TRPM2: variants seen among roughly 807,000 people sequenced by gnomAD.
TRPM2 encodes estrogen-responsive element-associated gene 1 protein.
A neutral mutation model predicts 174.0 loss-of-function variants in TRPM2; 161 were observed. The observed-to-expected ratio is 0.93, with a 90% confidence interval of 0.81 to 1.05. The LOEUF (loss-of-function observed/expected upper bound fraction) is 1.05, where lower values mean the gene tolerates loss of function less well. TRPM2 is among the 50% of genes least tolerant of loss of function. TRPM2 has a pLI of 0.00. For missense variants in TRPM2, 2,057 were observed against 2,038.0 expected (o/e 1.01, Z -0.18); for synonymous variants, 954 against 861.3 (o/e 1.11, Z -1.88).
rs974200315 is a variant in TRPM2 at position 44,439,814 on chromosome 21, C to T, written c.4269+646C>T. Among the ~76,000 whole-genome samples the T allele has an allele frequency of 6.6e-6, 1 of 152,106 alleles. No homozygotes were observed. The highest frequency in any genetic ancestry group is 2.4e-5 in the African/African-American group (1 of 41,428). On this transcript the variant is annotated intron_variant, in intron 30 of 31. Transcript: ENST00000397928. The surrounding 1 kb of genome is among the most constrained non-coding windows in gnomAD (Gnocchi z 5.1). ...TTGGCTTGCTGCAGCCTCCACCTCCCGGGCTCAAGCAATGCTCTTGCCTTG... is the reference window on the plus strand; with the variant it reads ...TTGGCTTGCTGCAGCCTCCACCTCCTGGGCTCAAGCAATGCTCTTGCCTTG...
At chr21:44,403,573 C>T (rs547294911) in intron 16 of TRPM2, among the ~76,000 whole-genome samples, 5 of 151,604 alleles carry the variant, frequency 3.3e-5, no homozygotes, top group Non-Finnish European at 5.9e-5. Flanking sequence ...TGCATATGTA[C>T]ACACATACAT....
chr21:44,380,441 A>G (rs561693994), intron 8 of TRPM2, among the ~76,000 whole-genome samples: 1 of 152,240 alleles, frequency 6.6e-6, no homozygotes, highest in South Asian at 2.1e-4. Context: ...CTGCTGGTTG[A>G]TAAATTATTC....
intron 19 of TRPM2, among the ~76,000 whole-genome samples, chr21:44,412,350 A>T (rs1367397653): frequency 2.0e-5 from 3 of 152,076 alleles, no homozygotes; most frequent in African/African-American, 7.2e-5. Flanking sequence ...GAATTTGTCC[A>T]TTCATCTAGA....
intron 15 of TRPM2, 104 bp downstream of exon 15, chr21:44,400,475 C>A: frequency 1.0e-6 from 1 of 954,200 alleles, no homozygotes; most frequent in South Asian, 1.6e-5. Context: ...GGGAGCAAGT[C>A]ATGTGTCCTC....
At chr21:44,408,086 C>G (rs1423988462) in intron 19 of TRPM2, among the ~76,000 whole-genome samples, 1 of 151,874 alleles carries the variant, frequency 6.6e-6, no homozygotes, top group Non-Finnish European at 1.5e-5. Flanking sequence ...GCTGGGATTA[C>G]AGGCACCTGC....
chr21:44,440,698 C>T, intron 30 of TRPM2, 91 bp from the exon 31 acceptor site: 6 of 1,086,014 alleles, frequency 5.5e-6, no homozygotes, highest in Non-Finnish European at 8.5e-6. Flanking sequence ...AAGCTGTGCT[C>T]AGAGCTGGGT....
chr21:44,397,922 A>G, intron 13 of TRPM2, 46 bp downstream of exon 13: 2 of 1,528,448 alleles, frequency 1.3e-6, no homozygotes, highest in South Asian at 1.3e-5. Context: ...TCAGCCGTGC[A>G]TGCCCTCACC....
intron 27 of TRPM2, among the ~76,000 whole-genome samples, chr21:44,434,681 A>G (rs1332679339): frequency 2.0e-5 from 3 of 151,974 alleles, no homozygotes; most frequent in Non-Finnish European, 4.4e-5. Context: ...GTGGCCTATC[A>G]TCTGTGGCCA....
chr21:44,401,037 G>A (rs572984649), intron 15 of TRPM2, among the ~76,000 whole-genome samples: 12 of 152,256 alleles, frequency 7.9e-5, no homozygotes, highest in Middle Eastern at 3.4e-3. Context: ...TTCTCCTCAC[G>A]GCCAGGATGG....
chr21:44,411,487 T>C (rs2050104564), intron 19 of TRPM2, among the ~76,000 whole-genome samples: 1 of 152,192 alleles, frequency 6.6e-6, no homozygotes, highest in Non-Finnish European at 1.5e-5. Context: ...TTTTAATAGT[T>C]TTTTAGTGGA....
At chr21:44,363,047 T>C (rs890296477) in intron 2 of TRPM2, among the ~76,000 whole-genome samples, 1 of 152,236 alleles carries the variant, frequency 6.6e-6, no homozygotes, top group Admixed American at 6.5e-5. Flanking sequence ...GCTGGGATTA[T>C]AGGCGTGAGC....
chr21:44,417,309 A>T (rs111630760), intron 20 of TRPM2, among the ~76,000 whole-genome samples: 37 of 70,694 alleles, frequency 5.2e-4, no homozygotes, highest in East Asian at 8.7e-4. Flanking sequence ...AGTGGGCACA[A>T]GGGCGTGGCT....
At chr21:44,359,923 T>G (rs914708328) in intron 2 of TRPM2, among the ~76,000 whole-genome samples, 8 of 151,878 alleles carry the variant, frequency 5.3e-5, no homozygotes, top group African/African-American at 1.9e-4. Context: ...AATTTTTGTA[T>G]TTTTAGTAGA....
chr21:44,388,959 CAA>C (rs2049094407), intron 9 of TRPM2, among the ~76,000 whole-genome samples: 1 of 152,146 alleles, frequency 6.6e-6, no homozygotes, highest in South Asian at 2.1e-4. Context: ...AGCTTAGAGA[CAA>C]TAAGCTCCCT....
At chr21:44,350,313 C>T (rs2047908424), upstream of TRPM2, 1 of 150,022 alleles carries the variant, frequency 6.7e-6, no homozygotes, top group Non-Finnish European at 1.5e-5. Flanking sequence ...GGCGCGAGCC[C>T]GGGTGCGGGG....
chr21:44,362,703 G>T (rs2146137713), intron 2 of TRPM2, among the ~76,000 whole-genome samples: 1 of 152,074 alleles, frequency 6.6e-6, no homozygotes, highest in South Asian at 2.1e-4. Flanking sequence ...TTCTTTTAGG[G>T]TGTGTCTGCT....
chr21:44,401,935 GCCAC>G (rs1461641692), intron 16 of TRPM2, 38 bp downstream of exon 16: 2 of 1,610,826 alleles, frequency 1.2e-6, no homozygotes, highest in African/African-American at 2.7e-5. Flanking sequence ...CCAGCCCGGG[GCCAC>G]CCACTTGGCT....
chr21:44,375,511 A>G (rs2146192093), intron 5 of TRPM2, among the ~76,000 whole-genome samples: 1 of 150,828 alleles, frequency 6.6e-6, no homozygotes, highest in East Asian at 2.0e-4. Context: ...CGCCTCCTCC[A>G]CTCCTGGGGG....
intron 5 of TRPM2, among the ~76,000 whole-genome samples, chr21:44,372,486 C>T (rs1447018838): frequency 6.6e-6 from 1 of 152,214 alleles, no homozygotes; most frequent in Non-Finnish European, 1.5e-5. Context: ...CAGAGCGAGA[C>T]ACCGTCTCAA....
Sources: allele counts gnomAD v4.1 joint callset (sites outside exome capture counted in the v4.1 genomes callset), GRCh38; gene constraint gnomAD v4.1.1; non-coding constraint Gnocchi (gnomAD v3.1); transcripts MANE v1.5; gene names NCBI Gene and HGNC (gene_info 2026-07-23, HGNC 2026-07-21).